RBFOX1: variants seen among roughly 807,000 people sequenced by gnomAD.
RBFOX1 encodes the protein RNA binding protein fox-1 homolog 1.
In RBFOX1, 8 loss-of-function variants were observed where a neutral mutation model predicts 57.7. The ratio of observed to expected loss-of-function variants is 0.14; its 90% CI spans 0.08 to 0.25. The LOEUF (loss-of-function observed/expected upper bound fraction) is 0.25, where lower values mean the gene tolerates loss of function less well. Ranked by LOEUF, RBFOX1 falls within the 10% of genes least tolerant of loss-of-function variation. The pLI is 1.00. For missense variants in RBFOX1, 611 were observed against 548.5 expected (o/e 1.11, Z -1.14); for synonymous variants, 326 against 222.4 (o/e 1.47, Z -4.15).
chr16:7,379,667 T>G (rs1455900937), intron 4 of RBFOX1, among the ~76,000 whole-genome samples: 3 of 152,084 alleles, frequency 2.0e-5, no homozygotes, highest in African/African-American at 7.2e-5. Context: ...AGACAGGGTA[T>G]TTAGCCACAC....
chr16:5,547,775 C>G (rs1166637515), intron 2 of RBFOX1, among the ~76,000 whole-genome samples: 2 of 152,124 alleles, frequency 1.3e-5, no homozygotes, highest in African/African-American at 2.4e-5. Context: ...GGCCATTATC[C>G]TAAGCGAATT....
At chr16:6,373,672 G>T (rs542345576) in intron 2 of RBFOX1, among the ~76,000 whole-genome samples, 1 of 152,224 alleles carries the variant, frequency 6.6e-6, no homozygotes, top group South Asian at 2.1e-4. Context: ...TATACAGTTG[G>T]ATGGAAGAAT....
chr16:7,153,701 A>G (rs546712812), intron 4 of RBFOX1, among the ~76,000 whole-genome samples: 2 of 141,146 alleles, frequency 1.4e-5, no homozygotes, highest in South Asian at 4.6e-4. Flanking sequence ...ATTGAACTCT[A>G]GCCTGGTGAC....
chr16:6,205,863 C>CTTTTTTTTTT (rs34261182), intron 1 of RBFOX1, among the ~76,000 whole-genome samples: 3 of 97,878 alleles, frequency 3.1e-5, no homozygotes, highest in Admixed American at 1.5e-4. Context: ...CGAGATCATA[C>CTTTTTTTTTT]TTTTTTTTTT....
chr16:6,643,696 T>C (rs941337081), intron 2 of RBFOX1, among the ~76,000 whole-genome samples: 5 of 152,172 alleles, frequency 3.3e-5, no homozygotes, highest in Non-Finnish European at 7.3e-5. Context: ...CTTATGCTTT[T>C]AATCATCGGA....
intron 3 of RBFOX1, among the ~76,000 whole-genome samples, chr16:6,846,089 C>G (rs1361429282): frequency 6.6e-6 from 1 of 152,160 alleles, no homozygotes; most frequent in Non-Finnish European, 1.5e-5. Context: ...TATTTCTGTA[C>G]CACTAAAATA....
At chr16:6,473,193 C>T (rs921964277) in intron 2 of RBFOX1, among the ~76,000 whole-genome samples, 3 of 152,162 alleles carry the variant, frequency 2.0e-5, no homozygotes, top group Non-Finnish European at 2.9e-5. Flanking sequence ...TGTTTTCTAG[C>T]CCTGCCTACT....
chr16:7,619,514 C>T (rs1183843583), intron 10 of RBFOX1, among the ~76,000 whole-genome samples: 2 of 160 alleles, frequency 0.013, no homozygotes, highest in Non-Finnish European at 0.034. Flanking sequence ...TCTGAGAAGG[C>T]TTAGAAGGCA....
rs1023298905 is a variant in RBFOX1 at position 5,842,328 on chromosome 16, G to C, written c.319-24975G>C. Among the ~76,000 whole-genome samples, 11 of 152,254 alleles carry C rather than the reference G, an allele frequency of 7.2e-5. No homozygotes were observed. The East Asian group carries it at 1.9e-3, about 27-fold the overall frequency. On this transcript the variant is annotated intron_variant, in intron 3 of 19. Transcript: ENST00000641259. ...GTTCCCTCCTAAGCTGATGCGAGCT[G>C]CTTCTGGCAGGAGGGTTTAGGGAAT... is the stretch of plus-strand genomic sequence containing the variant.
intron 1 of RBFOX1, among the ~76,000 whole-genome samples, chr16:5,271,891 C>T (rs1256246366): frequency 6.6e-6 from 1 of 152,174 alleles, no homozygotes; most frequent in Non-Finnish European, 1.5e-5. Context: ...AACACAGTGT[C>T]TTTCAAGTTC....
At chr16:5,799,279 T>C (rs2054982384) in intron 3 of RBFOX1, among the ~76,000 whole-genome samples, 1 of 152,118 alleles carries the variant, frequency 6.6e-6, no homozygotes, top group Non-Finnish European at 1.5e-5. Flanking sequence ...TCCCACTGGG[T>C]TCCTCCCACA....
At chr16:5,901,421 T>C (rs943769162) in intron 4 of RBFOX1, among the ~76,000 whole-genome samples, 4 of 152,292 alleles carry the variant, frequency 2.6e-5, no homozygotes, top group African/African-American at 9.6e-5. Context: ...GAAATATAAC[T>C]CCTAGCTTAA....
At chr16:7,189,294 C>T (rs369473171) in intron 4 of RBFOX1, among the ~76,000 whole-genome samples, 12 of 151,618 alleles carry the variant, frequency 7.9e-5, no homozygotes, top group East Asian at 7.8e-4. Flanking sequence ...GGCGTGGTGG[C>T]GGGCGCCTGA....
chr16:5,693,074 G>T (rs920094208), intron 3 of RBFOX1, among the ~76,000 whole-genome samples: 13 of 152,316 alleles, frequency 8.5e-5, no homozygotes, highest in African/African-American at 3.1e-4. Context: ...CGAGAAGGCA[G>T]TATTCTGGTT....
intron 1 of RBFOX1, among the ~76,000 whole-genome samples, chr16:6,115,264 A>G (rs760682475): frequency 6.6e-6 from 1 of 152,196 alleles, no homozygotes; most frequent in Non-Finnish European, 1.5e-5. Flanking sequence ...TAGTTGGCAT[A>G]ATGTGGAGTA....
At chr16:5,542,537 G>A (rs1376324076) in intron 2 of RBFOX1, among the ~76,000 whole-genome samples, 2 of 151,812 alleles carry the variant, frequency 1.3e-5, no homozygotes, top group Non-Finnish European at 1.5e-5. Context: ...GGTTACAGGC[G>A]TGAACCACCG....
intron 2 of RBFOX1, among the ~76,000 whole-genome samples, chr16:6,471,134 A>G (rs1458347890): frequency 6.6e-6 from 1 of 152,176 alleles, no homozygotes; most frequent in Non-Finnish European, 1.5e-5. Flanking sequence ...GTCTTCAGAC[A>G]TCAACCCTTT....
chr16:7,182,772 CT>C (rs1234249313), intron 4 of RBFOX1, among the ~76,000 whole-genome samples: 2 of 152,280 alleles, frequency 1.3e-5, no homozygotes, highest in South Asian at 2.1e-4. Context: ...TGCCTCACCC[CT>C]GACTTAGCAC....
chr16:7,539,418 A>C (rs2082322929), intron 5 of RBFOX1, among the ~76,000 whole-genome samples: 1 of 152,162 alleles, frequency 6.6e-6, no homozygotes, highest in Admixed American at 6.5e-5. Context: ...ACCACTCCCC[A>C]ACCAAATAGG....
Sources: allele counts gnomAD v4.1 joint callset (sites outside exome capture counted in the v4.1 genomes callset), GRCh38; gene constraint gnomAD v4.1.1; transcripts MANE v1.5; gene names NCBI Gene and HGNC (gene_info 2026-07-23, HGNC 2026-07-21).